The following CEP250 variants were observed in gnomAD, a reference collection of about 807,000 sequenced individuals.
CEP250 encodes the protein centrosomal protein 250.
A neutral mutation model predicts 315.7 loss-of-function variants in CEP250; 242 were observed. That is an observed-to-expected ratio of 0.77 (90% CI 0.69 to 0.85). The LOEUF (loss-of-function observed/expected upper bound fraction) is 0.85, where lower values mean the gene tolerates loss of function less well. Ranked by LOEUF, CEP250 falls within the 40% of genes least tolerant of loss-of-function variation. CEP250 has a pLI of 0.00. For missense variants in CEP250, 2,515 were observed against 2,886.4 expected, an observed-to-expected ratio of 0.87 and a Z score of 2.95; for synonymous variants, 1,088 against 1,175.0, an observed-to-expected ratio of 0.93 and a Z score of 1.51.
chr20:35,509,509 G>T (rs2064294943), intron 33 of CEP250, among the ~76,000 whole-genome samples: 1 of 152,192 alleles, frequency 6.6e-6, no homozygotes, highest in Admixed American at 6.5e-5. Flanking sequence ...GAGGCTTGGG[G>T]AAGACTCCCC....
chr20:35,480,233 G>T, intron 20 of CEP250, 88 bp downstream of exon 20: 1 of 1,341,170 alleles, frequency 7.5e-7, no homozygotes, highest in Non-Finnish European at 1.0e-6. Flanking sequence ...GCTCGTATGA[G>T]TGAAATTTTG....
chr20:35,490,948 G>A lies in CEP250; in HGVS notation c.2754+144G>A, dbSNP rs1233868600. 7.1e-6 allele frequency: 7 copies of A among 987,540 alleles called. No homozygotes were observed. The African/African-American group carries it at 9.8e-5, about 14-fold the overall frequency. The allele number at this position is 987,540 out of a possible 1,614,324, so 61.2% of individuals were successfully genotyped here. A position where few individuals can be genotyped will look rare whatever the true frequency, so the allele number is the denominator to read the frequency against. Reference sequence around the variant, plus strand: ...ACCCACTTTGCTAACAGTGAGCAGGGTGGTCCGCACCATTAGCCACAGTTC... The same window carrying A: ...ACCCACTTTGCTAACAGTGAGCAGGATGGTCCGCACCATTAGCCACAGTTC... On this transcript the variant is annotated intron_variant, in intron 21 of 34. Coordinates refer to ENST00000397527, the MANE Select transcript of CEP250 (RefSeq NM_007186.6).
rs2063151214 is a variant in CEP250 at position 35,475,673 on chromosome 20, TGGGTG to T, written c.1716+30_1716+34del. ...TGCGTGGCCTCCTCTCCTCACTTGC[TGGGTG>T]GGCGGCTTCGAAAGTGTGTTCCCAT... is the stretch of plus-strand genomic sequence containing the variant. On this transcript the variant is annotated intron_variant, in intron 15 of 34. Transcript: ENST00000397527. 3 of 1,609,766 alleles carry T rather than the reference TGGGTG, an allele frequency of 1.9e-6. No individual in the cohort carries two copies. The African/African-American group carries it at 4.0e-5, about 22-fold the overall frequency.
chr20:35,458,662 G>T (rs896123803), intron 2 of CEP250, among the ~76,000 whole-genome samples: 1 of 152,162 alleles, frequency 6.6e-6, no homozygotes, highest in Non-Finnish European at 1.5e-5. Context: ...ATTCCTAGCA[G>T]ATCTGATCTG....
chr20:35,465,420 C>CAAA (rs80078387), intron 5 of CEP250, among the ~76,000 whole-genome samples: 2 of 59,046 alleles, frequency 3.4e-5, no homozygotes, highest in Admixed American at 1.7e-4. Context: ...ACTCTGTCTC[C>CAAA]AAAAAAAAAA....
chr20:35,466,318 T>C (rs956022618), intron 7 of CEP250, 114 bp downstream of exon 7: 6 of 1,277,724 alleles, frequency 4.7e-6, no homozygotes, highest in Non-Finnish European at 6.4e-6. Context: ...GAGCTGTTGC[T>C]GTTAAAGTCC....
At chr20:35,478,292 C>T (rs368107712) in intron 17 of CEP250, among the ~76,000 whole-genome samples, 191 bp downstream of exon 17, 65 of 152,190 alleles carry the variant, frequency 4.3e-4, no homozygotes, top group African/African-American at 1.4e-3. Context: ...TGAGGCTGGG[C>T]GCAGTGGCTC....
In CEP250 at chr20:35,478,990, A is replaced by T. The variant is rs951291478; in HGVS notation, c.2095-241A>T. Among the ~76,000 whole-genome samples the T allele has an allele frequency of 7.2e-5, 11 of 152,244 alleles. No homozygotes were observed. The South Asian group carries it at 2.3e-3, about 32-fold the overall frequency. ...ATCTTCTCAAGGCCAAAACCTCCTT[A>T]GGGGCAGGTCTTCTGCTGTCCCTAG... On this transcript the variant is annotated intron_variant, in intron 17 of 34. Transcript: ENST00000397527.
chr20:35,491,438 G>A (rs1028577199), intron 22 of CEP250, 92 bp downstream of exon 22: 178 of 1,367,638 alleles, frequency 1.3e-4, no homozygotes, highest in Non-Finnish European at 1.7e-4. Flanking sequence ...TATGTGCCAG[G>A]CCCTGTGCTA....
intron 17 of CEP250, 72 bp from the exon 18 acceptor site, chr20:35,479,159 C>A: frequency 6.8e-7 from 1 of 1,471,172 alleles, no homozygotes; most frequent in Non-Finnish European, 9.3e-7. Flanking sequence ...GAGGCAATGA[C>A]CCTAACCTGG....
rs1339758200 is a variant in CEP250, at chr20:35,515,442, G to T, written c.*3816G>T. The T allele has an allele frequency of 6.6e-6, 1 of 152,280 alleles. No individual in the cohort carries two copies. The highest frequency in any genetic ancestry group is 1.9e-4 in the East Asian group (1 of 5,202). 9.4% of individuals were successfully genotyped at this position (152,280 alleles called of 1,614,324 possible). ...GGTGAAGGCAGGCTTTGTAGATGCG[G>T]GGCTGAATTGAGCAGCCACAGAACC... On this transcript the variant is annotated 3_prime_UTR_variant, in exon 35 of 35. Transcript: ENST00000397527.
At position 35,502,896 on chromosome 20, in the gene CEP250, G is replaced by C; in HGVS notation, c.4527G>C (p.Gln1509His). 1 of 1,614,238 alleles carries C rather than the reference G, an allele frequency of 6.2e-7. No individual in the cohort carries two copies. Among genetic ancestry groups the C allele is most frequent in the Non-Finnish European group, 8.5e-7 (1 of 1,180,032 alleles). ...REQKLTVQRE[Q>H]IRELEKDRET... ...AGAAGCTGACTGTGCAGAGGGAGCAGATCAGAGAGCTCGAGAAGGATCGGG... is the reference window on the plus strand; with the variant it reads ...AGAAGCTGACTGTGCAGAGGGAGCACATCAGAGAGCTCGAGAAGGATCGGG... The change falls in exon 30 of 35, where the codon CAG (glutamine) becomes CAC (histidine). Residue 1509 changes from glutamine (Q) to histidine (H), a missense_variant. Coordinates refer to ENST00000397527, the MANE Select transcript of CEP250 (RefSeq NM_007186.6).
chr20:35,510,105 T>C, intron 34 of CEP250, 51 bp downstream of exon 34: 5 of 1,527,098 alleles, frequency 3.3e-6, no homozygotes, highest in Non-Finnish European at 4.5e-6. Context: ...ACTCAGGCCC[T>C]TTGTGCACCT....
chr20:35,485,001 G>A (rs1424011551), intron 20 of CEP250, among the ~76,000 whole-genome samples: 1 of 151,564 alleles, frequency 6.6e-6, no homozygotes, highest in African/African-American at 2.4e-5. Flanking sequence ...CACCACTTTG[G>A]GAGGCTGAGG....
chr20:35,490,632 G>T lies in CEP250; in HGVS notation c.2587-5G>T, dbSNP rs1443503430. The T allele has an allele frequency of 6.8e-6, 11 of 1,611,196 alleles. No individual in the cohort carries two copies. In the South Asian group the frequency reaches 8.8e-5, roughly 13 times the overall value. On this transcript the variant is annotated splice_polypyrimidine_tract_variant and splice_region_variant and intron_variant, in intron 20 of 34. Transcript: ENST00000397527. ...GTTCTAATGGTGTTTCCTTCATGTG[G>T]CCAGGAGAAGGAGCGCTCCTGGCAC...
In CEP250 at chr20:35,499,064, C is replaced by G. The variant is rs999542786; in HGVS notation, c.3777+348C>G. 6.6e-5 allele frequency among the ~76,000 whole-genome samples: 10 copies of G among 152,110 alleles called. 1 individual carries two copies. The East Asian group carries it at 1.9e-3, about 29-fold the overall frequency. On this transcript the variant is annotated intron_variant, in intron 27 of 34. Coordinates refer to ENST00000397527, the MANE Select transcript of CEP250 (RefSeq NM_007186.6). ...CTGAGACAGGTGGATCACCTGAGGT[C>G]AGGAGTTCAAAATCAGCCTGGCCAA...
Position 35,473,874 on chromosome 20 carries a change from C to G in CEP250, c.1393C>G (p.Arg465Gly). 1 of 1,610,440 alleles carries G rather than the reference C, an allele frequency of 6.2e-7. No individual in the cohort carries two copies. Among genetic ancestry groups the G allele is most frequent in the Non-Finnish European group, 8.5e-7 (1 of 1,178,806 alleles). ...TCTCTGATTCCCTTCTTCCAGGGAGCGAGAGCTGCTGCAGAAGGCCAGGGA... is the reference window on the plus strand; with the variant it reads ...TCTCTGATTCCCTTCTTCCAGGGAGGGAGAGCTGCTGCAGAAGGCCAGGGA... ...QGEVDSLSKE[R>G]ELLQKAREEL... The change falls in exon 14 of 35, where the codon CGA becomes GGA. Residue 465 changes from arginine to glycine, a missense_variant. Transcript: ENST00000397527.
Position 35,465,811 on chromosome 20 carries a change from G to A in CEP250, c.312G>A (p.Glu104=). The change falls in exon 6 of 35, where the codon GAG becomes GAA. Residue 104 remains glutamate, a synonymous_variant. Transcript: ENST00000397527. ...TGGATGAGCTGCTGGTCCGATTGGA[G>A]GAGGAGCAACAGAGGTGATGGACCC... The part of the protein sequence containing the change: ...PNLDELLVRL[E]EEQQRCESLA... 6.2e-7 allele frequency: 1 copy of A among 1,609,166 alleles called. No individual in the cohort carries two copies. The highest frequency in any genetic ancestry group is 1.8e-4 in the Middle Eastern group (1 of 5,708).
At position 35,496,671 on chromosome 20, in the gene CEP250, G is replaced by A. The variant is rs771106549; in HGVS notation, c.3262G>A (p.Asp1088Asn). ...ACAAGAGCTGAGTGCCCTGCGCCAG[G>A]ACATGCAGGAGGCCCAGGGAGAACA... ...RQQELSALRQ[D>N]MQEAQGEQKE... is the part of the protein sequence containing the mutation. The change falls in exon 25 of 35, where the codon GAC becomes AAC. Residue 1088 changes from aspartate (D) to asparagine (N), a missense_variant. Transcript: ENST00000397527. 6.2e-7 allele frequency: 1 copy of A among 1,614,076 alleles called. No individual in the cohort carries two copies. Among genetic ancestry groups the A allele is most frequent in the South Asian group, 1.1e-5 (1 of 91,086 alleles).
Sources: allele counts gnomAD v4.1 joint callset (sites outside exome capture counted in the v4.1 genomes callset), GRCh38; gene constraint gnomAD v4.1.1; transcripts MANE v1.5; gene names NCBI Gene and HGNC (gene_info 2026-07-23, HGNC 2026-07-21).